Variants in PLXNA4 observed in about 807,000 individuals in gnomAD.
The protein encoded by PLXNA4 is plexin-A4.
Under a neutral mutation model 191.8 loss-of-function variants are expected in PLXNA4, and 44 were observed. The ratio of observed to expected loss-of-function variants is 0.23; its 90% CI spans 0.18 to 0.29. PLXNA4 has a LOEUF of 0.29. Ranked by LOEUF, PLXNA4 falls within the 10% of genes least tolerant of loss-of-function variation. PLXNA4 has a pLI of 1.00. For synonymous variants in PLXNA4, 1,082 were observed against 1,009.5 expected, an observed-to-expected ratio of 1.07 and a Z score of -1.36; for missense variants, 1,800 against 2,488.8, an observed-to-expected ratio of 0.72 and a Z score of 5.89.
chr7:132,256,275 A>C (rs1183723643), intron 4 of PLXNA4, among the ~76,000 whole-genome samples: 1 of 152,240 alleles, frequency 6.6e-6, no homozygotes, highest in Non-Finnish European at 1.5e-5. Flanking sequence ...GGGCTGAGGC[A>C]GCAGCAAGAA....
intron 3 of PLXNA4, among the ~76,000 whole-genome samples, chr7:132,401,090 T>C (rs954057972): frequency 6.6e-6 from 1 of 152,092 alleles, no homozygotes; most frequent in Non-Finnish European, 1.5e-5. Context: ...TATCTACACA[T>C]GTGATAAAAT....
intron 3 of PLXNA4, among the ~76,000 whole-genome samples, chr7:132,316,763 T>C (rs949139909): frequency 6.6e-6 from 1 of 152,236 alleles, no homozygotes; most frequent in African/African-American, 2.4e-5. Flanking sequence ...CATGCTATCT[T>C]GGCACCCACT....
intron 4 of PLXNA4, among the ~76,000 whole-genome samples, chr7:132,260,608 T>C (rs956684780): frequency 1.3e-5 from 2 of 151,846 alleles, no homozygotes; most frequent in African/African-American, 4.8e-5. Flanking sequence ...TACACCAAAC[T>C]TCAGCGACAC....
At chr7:132,316,303 T>C (rs980053929) in intron 3 of PLXNA4, among the ~76,000 whole-genome samples, 3 of 152,214 alleles carry the variant, frequency 2.0e-5, no homozygotes, top group African/African-American at 4.8e-5. Flanking sequence ...AAGGGAACAA[T>C]ACATTTCTTT....
At chr7:132,459,272 G>T (rs1406536991) in intron 3 of PLXNA4, among the ~76,000 whole-genome samples, 3 of 152,218 alleles carry the variant, frequency 2.0e-5, no homozygotes, top group African/African-American at 4.8e-5. Context: ...GAAGCAGAAA[G>T]TAAGAACTGG....
intron 5 of PLXNA4, among the ~76,000 whole-genome samples, chr7:132,233,516 G>T (rs192897436): frequency 2.0e-3 from 303 of 152,320 alleles, no homozygotes; most frequent in African/African-American, 6.8e-3. Context: ...GAAGCCCAAG[G>T]TTCTACTGTA....
intron 4 of PLXNA4, among the ~76,000 whole-genome samples, chr7:132,259,730 C>A (rs1386421281): frequency 2.0e-5 from 3 of 152,074 alleles, no homozygotes; most frequent in African/African-American, 7.2e-5. Context: ...ACAAGGTGCC[C>A]TTCAGTAGGC....
chr7:132,197,813 A>G (rs1417464928), intron 13 of PLXNA4, among the ~76,000 whole-genome samples: 2 of 152,232 alleles, frequency 1.3e-5, no homozygotes, highest in Admixed American at 6.5e-5. Flanking sequence ...TTATGCATAC[A>G]GCACAAGTGA....
intron 4 of PLXNA4, among the ~76,000 whole-genome samples, chr7:132,297,837 T>C (rs1295311430): frequency 3.3e-5 from 5 of 152,180 alleles, no homozygotes; most frequent in African/African-American, 9.7e-5. Flanking sequence ...CCCGAACATA[T>C]ATGCATGATT....
At position 132,125,321 on chromosome 7, in the gene PLXNA4, A is replaced by G. The variant is rs965157677; in HGVS notation, c.*5158T>C. ...GGTAGGAGAAGGACTCCATCTGTCA[A>G]AAGTGTGGGGAAGCACCAGGAATAG... On this transcript the variant is annotated 3_prime_UTR_variant, in exon 32 of 32. Coordinates refer to ENST00000321063, the MANE Select transcript of PLXNA4 (RefSeq NM_020911.2). 1.3e-5 allele frequency: 2 copies of G among 152,224 alleles called. No individual in the cohort carries two copies. Among genetic ancestry groups the G allele is most frequent in the Non-Finnish European group, 2.9e-5 (2 of 68,084 alleles). 9.4% of individuals were successfully genotyped at this position (152,224 alleles called of 1,614,324 possible).
At chr7:132,484,942 C>A (rs756974108) in intron 3 of PLXNA4, 3 of 1,614,046 alleles carry the variant, frequency 1.9e-6, no homozygotes, top group African/African-American at 2.7e-5. Context: ...AAGCAATGTT[C>A]GCCCCAGGTG....
At chr7:132,221,795 G>A (rs1304931511) in intron 9 of PLXNA4, among the ~76,000 whole-genome samples, 1 of 152,116 alleles carries the variant, frequency 6.6e-6, no homozygotes, top group Non-Finnish European at 1.5e-5. Flanking sequence ...CTATTTCCAG[G>A]CATGAACAGA....
chr7:132,218,434 G>A (rs1296608871), intron 9 of PLXNA4, among the ~76,000 whole-genome samples: 1 of 152,166 alleles, frequency 6.6e-6, no homozygotes, highest in East Asian at 1.9e-4. Flanking sequence ...TGCCCTCCTT[G>A]CAAAGCCTCT....
chr7:132,177,685 C>G (rs7807353), intron 20 of PLXNA4, among the ~76,000 whole-genome samples: 3 of 152,052 alleles, frequency 2.0e-5, no homozygotes, highest in African/African-American at 7.3e-5. Flanking sequence ...AGTCACCAAG[C>G]GCCTCCAACA....
At chr7:132,529,383 G>A (rs1051482662) in intron 1 of PLXNA4, among the ~76,000 whole-genome samples, 2 of 152,074 alleles carry the variant, frequency 1.3e-5, no homozygotes, top group Non-Finnish European at 2.9e-5. Context: ...TGGCATTTTG[G>A]AAAGAATAAA....
At chr7:132,143,404 G>A (rs1160372650) in intron 29 of PLXNA4, among the ~76,000 whole-genome samples, 1 of 152,220 alleles carries the variant, frequency 6.6e-6, no homozygotes, top group Non-Finnish European at 1.5e-5. Flanking sequence ...CCTTGCCCCA[G>A]CAGGAGGGAT....
chr7:132,304,513 G>A (rs1452970910), intron 3 of PLXNA4, among the ~76,000 whole-genome samples: 1 of 152,150 alleles, frequency 6.6e-6, no homozygotes, highest in African/African-American at 2.4e-5. Context: ...AAATTTTATT[G>A]AGATATTTTA....
intron 4 of PLXNA4, among the ~76,000 whole-genome samples, chr7:132,245,207 G>A (rs892541854): frequency 6.6e-6 from 1 of 152,148 alleles, no homozygotes; most frequent in Non-Finnish European, 1.5e-5. Flanking sequence ...TAAGAGGGGC[G>A]GGGGAGGGAC....
intron 3 of PLXNA4, among the ~76,000 whole-genome samples, chr7:132,344,877 A>G (rs981193133): frequency 6.6e-6 from 1 of 152,208 alleles, no homozygotes; most frequent in Non-Finnish European, 1.5e-5. Flanking sequence ...AAAGCAACAC[A>G]TATCATAGCA....
Sources: allele counts gnomAD v4.1 joint callset (sites outside exome capture counted in the v4.1 genomes callset), GRCh38; gene constraint gnomAD v4.1.1; transcripts MANE v1.5; gene names NCBI Gene and HGNC (gene_info 2026-07-23, HGNC 2026-07-21).